The following CLPTM1 variants were observed in gnomAD, a reference collection of about 807,000 sequenced individuals.
CLPTM1 encodes CLPTM1 regulator of GABA type A receptor forward trafficking, also known as putative lipid scramblase CLPTM1.
In CLPTM1, 21 loss-of-function variants were observed where a neutral mutation model predicts 77.3. That is an observed-to-expected ratio of 0.27 (90% confidence interval 0.19 to 0.39). CLPTM1 has a LOEUF of 0.39. Among genes scored for constraint, CLPTM1 ranks in the 10% least tolerant of loss-of-function variants. CLPTM1 has a pLI of 1.00. For missense variants in CLPTM1, 642 were observed against 921.2 expected, an observed-to-expected ratio of 0.70 and a Z score of 3.92; for synonymous variants, 373 against 381.0, an observed-to-expected ratio of 0.98 and a Z score of 0.24.
Position 44,987,163 on chromosome 19 carries a change from G to GC in CLPTM1, c.794-12dup. ...CCTGCCCGGGCCAAATGGTGCCCCT[G>GC]CCCCACGTGCTGCAGATGTGAAGTT... On this transcript the variant is annotated splice_polypyrimidine_tract_variant and intron_variant, in intron 7 of 13. Coordinates refer to ENST00000337392, the MANE Select transcript of CLPTM1 (RefSeq NM_001294.4). The GC allele has an allele frequency of 1.2e-6, 2 of 1,601,596 alleles. No individual in the cohort carries two copies. The highest frequency in any genetic ancestry group is 2.2e-5 in the South Asian group (2 of 89,764).
Position 44,977,292 on chromosome 19 carries a change from T to C in CLPTM1, c.469-51T>C, listed in dbSNP as rs554236240. On this transcript the variant is annotated intron_variant, in intron 4 of 13. Transcript: ENST00000337392. ...GGGTGCCAGGCAGGGCTTTAACGTT[T>C]CCCTCACCCCAGTTGCCCAGCCTGC... 2.4e-5 allele frequency: 33 copies of C among 1,362,430 alleles called. No individual in the cohort carries two copies. The African/African-American group carries it at 4.1e-4, about 17-fold the overall frequency. 84.4% of individuals were successfully genotyped at this position (1,362,430 alleles called of 1,614,324 possible).
intron 6 of CLPTM1, 68 bp from the exon 7 acceptor site, chr19:44,986,387 G>T: frequency 6.3e-7 from 1 of 1,580,656 alleles, no homozygotes; most frequent in Non-Finnish European, 8.6e-7. Context: ...GGGAGGAAGT[G>T]TACAGAGAGT....
chr19:44,981,121 A>G (rs868818207), intron 5 of CLPTM1, among the ~76,000 whole-genome samples: 5 of 148,214 alleles, frequency 3.4e-5, no homozygotes, highest in East Asian at 2.0e-4. Flanking sequence ...GATTACAGGC[A>G]TGAGCCAGCG....
chr19:44,978,424 T>A (rs1268590160), intron 5 of CLPTM1, among the ~76,000 whole-genome samples: 8 of 125,946 alleles, frequency 6.4e-5, no homozygotes, highest in South Asian at 2.6e-4. Context: ...AAAAAAAAAA[T>A]AGATAAAATT....
chr19:44,983,742 C>T (rs1738729722), intron 5 of CLPTM1, among the ~76,000 whole-genome samples: 1 of 151,568 alleles, frequency 6.6e-6, no homozygotes, highest in South Asian at 2.1e-4. Context: ...GTGGGCAGAT[C>T]ACGAGATCAG....
chr19:44,991,119 C>A lies in CLPTM1; in HGVS notation c.1420-119C>A. On this transcript the variant is annotated intron_variant, in intron 11 of 13. Coordinates refer to ENST00000337392, the MANE Select transcript of CLPTM1 (RefSeq NM_001294.4). This position sits in a 1 kb window ranked among gnomAD's most constrained non-coding sequence, Gnocchi z 5.4. ...CTGGGCGAGTCCGGAGTCCCCAGGGCTACCTGGAAATTCCCCCTGCCCGGC... is the reference window on the plus strand; with the variant it reads ...CTGGGCGAGTCCGGAGTCCCCAGGGATACCTGGAAATTCCCCCTGCCCGGC... 1 of 1,528,804 alleles carries A rather than the reference C, an allele frequency of 6.5e-7. No individual in the cohort carries two copies. Among genetic ancestry groups the A allele is most frequent in the Non-Finnish European group, 8.9e-7 (1 of 1,122,776 alleles). 94.7% of individuals were successfully genotyped at this position (1,528,804 alleles called of 1,614,324 possible).
chr19:44,980,792 A>C (rs1327272734), intron 5 of CLPTM1, among the ~76,000 whole-genome samples: 5 of 151,642 alleles, frequency 3.3e-5, no homozygotes, highest in Admixed American at 2.0e-4. Flanking sequence ...ATCTCTACAA[A>C]AAAAAATTTT....
chr19:44,981,756 C>A (rs1037257155), intron 5 of CLPTM1, among the ~76,000 whole-genome samples: 2 of 150,516 alleles, frequency 1.3e-5, no homozygotes, highest in African/African-American at 4.9e-5. Flanking sequence ...AATAAAAATA[C>A]AAAAATTAGC....
At position 44,987,351 on chromosome 19, in the gene CLPTM1, C is replaced by T. The variant is rs776913389; in HGVS notation, c.966C>T (p.Ser322=). 6.2e-7 allele frequency: 1 copy of T among 1,614,244 alleles called. No homozygotes were observed. The highest frequency in any genetic ancestry group is 8.5e-7 in the Non-Finnish European group (1 of 1,180,028). ...LWRWQLYAAQ[S]TKSPWNFLGD... ...GCTGGCAGCTCTATGCTGCCCAGAG[C>T]ACCAAGTCGCCCTGGAACTTCCTGG... The change falls in exon 8 of 14, where the codon AGC becomes AGT. Residue 322 remains serine, a synonymous_variant. Coordinates refer to ENST00000337392, the MANE Select transcript of CLPTM1 (RefSeq NM_001294.4).
At chr19:44,958,972 G>T (rs890208686) in intron 1 of CLPTM1, among the ~76,000 whole-genome samples, 14 of 152,212 alleles carry the variant, frequency 9.2e-5, no homozygotes, top group Admixed American at 8.5e-4. Flanking sequence ...TTGTTACATA[G>T]ATCTGCAGTT....
At chr19:44,959,861 T>C (rs115356232) in intron 1 of CLPTM1, among the ~76,000 whole-genome samples, 1,931 of 152,338 alleles carry the variant, frequency 0.013, 38 homozygotes, top group African/African-American at 0.041. Flanking sequence ...GCCATCCTAA[T>C]AGGTGTGAAG....
Position 44,988,082 on chromosome 19 carries a change from G to A in CLPTM1, c.1041G>A (p.Val347=), listed in dbSNP as rs778251694. The A allele has an allele frequency of 2.5e-6, 4 of 1,608,990 alleles. No homozygotes were observed. Among genetic ancestry groups the A allele is most frequent in the Non-Finnish European group, 3.4e-6 (4 of 1,175,324 alleles). ...QSDEEQDSVK[V]ALLETNPYLL... ...GTGCTCACATGTGTCCCCTGCAGGT[G>A]GCCCTGCTGGAGACCAACCCCTACC... Residue 347 remains valine, a splice_region_variant and synonymous_variant, in exon 9 of 14, where the codon GTG becomes GTA. Coordinates refer to ENST00000337392, the MANE Select transcript of CLPTM1 (RefSeq NM_001294.4).
chr19:44,977,414 G>T lies in CLPTM1; in HGVS notation c.540G>T (p.Arg180=). ...FTKSGFHPDP[R]QKALYRRLAT... ...AGAGTGGCTTCCACCCAGACCCCCG[G>T]CAGAAGGCCCTGTACCGCCGGCTTG... is the stretch of plus-strand genomic sequence containing the variant. Residue 180 remains arginine, a synonymous_variant, in exon 5 of 14, where the codon CGG becomes CGT. Coordinates refer to ENST00000337392, the MANE Select transcript of CLPTM1 (RefSeq NM_001294.4). 6.2e-7 allele frequency: 1 copy of T among 1,609,562 alleles called. No individual in the cohort carries two copies. The highest frequency in any genetic ancestry group is 1.1e-5 in the South Asian group (1 of 91,050).
In CLPTM1 at chr19:44,991,171, G is replaced by A; in HGVS notation, c.1420-67G>A. ...TGCCAGACCAGGTGTGGTGGGTGAG[G>A]GCGGGGAGCAGGGCTGCCAGGCAGG... is the stretch of plus-strand genomic sequence containing the variant. On this transcript the variant is annotated intron_variant, in intron 11 of 13. Coordinates refer to ENST00000337392, the MANE Select transcript of CLPTM1 (RefSeq NM_001294.4). The surrounding 1 kb of genome is among the most constrained non-coding windows in gnomAD (Gnocchi z 5.4). 6.2e-7 allele frequency: 1 copy of A among 1,602,070 alleles called. No homozygotes were observed. Among genetic ancestry groups the A allele is most frequent in the South Asian group, 1.1e-5 (1 of 90,372 alleles).
In CLPTM1 at chr19:44,990,856, C is replaced by T. The variant is rs1251604975; in HGVS notation, c.1330C>T (p.Arg444Ter). 6.2e-7 allele frequency: 1 copy of T among 1,613,510 alleles called. No homozygotes were observed. Among genetic ancestry groups the T allele is most frequent in the Non-Finnish European group, 8.5e-7 (1 of 1,179,626 alleles). ...ITKVMDVRLD[R>*]EHRVAGIFPR... ...GCACCCACCTCATCCACAGCTGGAC[C>T]GAGAGCACAGGGTGGCAGGAATCTT... is the stretch of plus-strand genomic sequence containing the variant. Residue 444 changes from arginine (R) to a stop codon, truncating the protein, a stop_gained, in exon 11 of 14, where the codon CGA becomes TGA. Transcript: ENST00000337392. LOFTEE classifies it high-confidence loss of function. The surrounding 1 kb of genome is among the most constrained non-coding windows in gnomAD (Gnocchi z 4.8).
chr19:44,992,410 G>C lies in CLPTM1; in HGVS notation c.1723+10G>C, dbSNP rs2075618. 458,755 of 1,613,420 alleles carry C rather than the reference G, an allele frequency of 0.28. 67,541 individuals are homozygous for C. The highest frequency in any genetic ancestry group is 0.45 in the East Asian group (20,190 of 44,822). On this transcript the variant is annotated intron_variant, in intron 13 of 13. Coordinates refer to ENST00000337392, the MANE Select transcript of CLPTM1 (RefSeq NM_001294.4). The surrounding 1 kb of genome is among the most constrained non-coding windows in gnomAD (Gnocchi z 7.7). ...GGCTGCCTGCGGGACGGTGAGGCCC[G>C]GTGGGCAGGTGGGAGCTCCCACCGG...
chr19:44,962,837 G>C (rs995289483), intron 2 of CLPTM1, among the ~76,000 whole-genome samples: 35 of 151,858 alleles, frequency 2.3e-4, no homozygotes, highest in Admixed American at 2.0e-3. Context: ...AGGCCGAGGC[G>C]GGTGGATCAC....
chr19:44,979,137 G>A (rs985485138), intron 5 of CLPTM1, among the ~76,000 whole-genome samples: 5 of 151,906 alleles, frequency 3.3e-5, no homozygotes, highest in Non-Finnish European at 7.4e-5. Flanking sequence ...ACGCCACTAC[G>A]CCCGGCTAGT....
intron 3 of CLPTM1, among the ~76,000 whole-genome samples, chr19:44,973,803 G>A (rs1404164677): frequency 3.3e-5 from 4 of 119,536 alleles, no homozygotes; most frequent in African/African-American, 1.3e-4. Context: ...TCACTCTGTC[G>A]CCCAGGCTAG....
Sources: gnomAD v4.1 joint callset for allele counts (sites outside exome capture counted in the v4.1 genomes callset) on GRCh38, gnomAD v4.1.1 for gene constraint, Gnocchi (gnomAD v3.1) non-coding constraint, MANE v1.5 for transcripts, NCBI Gene and HGNC (gene_info 2026-07-23, HGNC 2026-07-21) for gene names.